The following MYSM1 variants were observed in gnomAD, a reference collection of about 807,000 sequenced individuals.
MYSM1 encodes the protein deubiquitinase MYSM1.
In MYSM1, 51 loss-of-function variants were observed where a neutral mutation model predicts 116.0. That is an observed-to-expected ratio of 0.44 (90% CI 0.35 to 0.56). The LOEUF (loss-of-function observed/expected upper bound fraction) is 0.56. Ranked by LOEUF, MYSM1 falls within the 20% of genes least tolerant of loss-of-function variation. MYSM1 has a pLI of 0.00. For missense variants in MYSM1, 900 were observed against 974.9 expected, an observed-to-expected ratio of 0.92 and a Z score of 1.02; for synonymous variants, 313 against 315.2, an observed-to-expected ratio of 0.99 and a Z score of 0.07.
intron 9 of MYSM1, among the ~76,000 whole-genome samples, 164 bp from the exon 10 acceptor site, chr1:58,675,744 GTTAT>G (rs1453118593): frequency 6.6e-6 from 1 of 152,182 alleles, no homozygotes; most frequent in Non-Finnish European, 1.5e-5. Flanking sequence ...AAGTAATGCT[GTTAT>G]TATAAGAAAA....
intron 11 of MYSM1, among the ~76,000 whole-genome samples, chr1:58,672,726 T>C (rs1030186705): frequency 3.3e-5 from 5 of 152,122 alleles, no homozygotes; most frequent in Non-Finnish European, 4.4e-5. Flanking sequence ...CTTCTGCAGA[T>C]CCTTCAGATC....
intron 11 of MYSM1, among the ~76,000 whole-genome samples, chr1:58,672,375 C>T (rs904253699): frequency 2.6e-5 from 4 of 152,068 alleles, no homozygotes; most frequent in Non-Finnish European, 5.9e-5. Context: ...TATTTACTAG[C>T]TTGGTGACCC....
chr1:58,696,539 T>A (rs1298826147), intron 1 of MYSM1, among the ~76,000 whole-genome samples: 1 of 152,226 alleles, frequency 6.6e-6, no homozygotes, highest in Admixed American at 6.5e-5. Context: ...TCTGCCCTAA[T>A]TCTGCTGTTT....
intron 19 of MYSM1, 109 bp from the exon 20 acceptor site, chr1:58,660,264 G>T: frequency 1.7e-6 from 1 of 588,456 alleles, no homozygotes; most frequent in Non-Finnish European, 2.7e-6. Context: ...ATGCTCAAAT[G>T]AGAAACACTC....
chr1:58,687,552 T>C (rs895238050), intron 6 of MYSM1, among the ~76,000 whole-genome samples: 2 of 152,220 alleles, frequency 1.3e-5, no homozygotes, highest in Admixed American at 1.3e-4. Context: ...CTCCCTGCTA[T>C]TTTGCAGACC....
At chr1:58,682,857 G>A (rs1427779293) in intron 7 of MYSM1, among the ~76,000 whole-genome samples, 3 of 151,912 alleles carry the variant, frequency 2.0e-5, no homozygotes, top group African/African-American at 7.3e-5. Context: ...CACCGTGCCC[G>A]GCTAATTTTT....
rs1644509982 is a variant in MYSM1, at chr1:58,668,696, A to C, written c.1717-14T>G. On this transcript the variant is annotated splice_polypyrimidine_tract_variant and intron_variant, in intron 13 of 19. Transcript: ENST00000472487. Reference sequence around the variant, plus strand: ...CTGAAATGGCTCCTGAAATATAAAAAACAAAACAAAACGGGGGAGCATAAA... The same window carrying C: ...CTGAAATGGCTCCTGAAATATAAAACACAAAACAAAACGGGGGAGCATAAA... 6.3e-7 allele frequency: 1 copy of C among 1,592,984 alleles called. No homozygotes were observed. The highest frequency in any genetic ancestry group is 2.2e-5 in the East Asian group (1 of 44,574).
At chr1:58,674,489 C>A (rs1276976524) in intron 10 of MYSM1, among the ~76,000 whole-genome samples, 5 of 152,090 alleles carry the variant, frequency 3.3e-5, no homozygotes, top group Non-Finnish European at 7.4e-5. Context: ...GATAGTAAAT[C>A]TAGATAGAAA....
chr1:58,669,140 C>T, intron 12 of MYSM1, 102 bp from the exon 13 acceptor site: 2 of 792,804 alleles, frequency 2.5e-6, no homozygotes, highest in Non-Finnish European at 2.0e-6. Flanking sequence ...AACCCAAATT[C>T]TGTCTAAATG....
At position 58,660,182 on chromosome 1, in the gene MYSM1, T is replaced by C. The variant is rs745946472; in HGVS notation, c.2329-27A>G. On this transcript the variant is annotated intron_variant, in intron 19 of 19. Transcript: ENST00000472487. Reference sequence around the variant, plus strand: ...TAGTTGAAAAGAAAAGTTTTATATTTAAATACAGAAAAAGTATGAGGGTTT... The same window carrying C: ...TAGTTGAAAAGAAAAGTTTTATATTCAAATACAGAAAAAGTATGAGGGTTT... 4.1e-6 allele frequency: 6 copies of C among 1,449,094 alleles called. No individual in the cohort carries two copies. In the South Asian group the frequency reaches 8.9e-5, roughly 21 times the overall value. 89.8% of individuals were successfully genotyped at this position (1,449,094 alleles called of 1,614,324 possible).
chr1:58,688,999 A>T (rs1264030863), intron 6 of MYSM1, 39 bp downstream of exon 6: 1 of 1,535,278 alleles, frequency 6.5e-7, no homozygotes, highest in East Asian at 2.3e-5. Flanking sequence ...ATTTGCTTCT[A>T]GAATTATTTT....
chr1:58,663,706 T>C (rs1176747344), intron 17 of MYSM1, among the ~76,000 whole-genome samples: 3 of 152,218 alleles, frequency 2.0e-5, no homozygotes, highest in Non-Finnish European at 4.4e-5. Context: ...TGCTGATCTG[T>C]ACTTTGCTAA....
At chr1:58,685,004 CCT>C (rs1183689803) in intron 7 of MYSM1, 147 bp downstream of exon 7, 2 of 471,990 alleles carry the variant, frequency 4.2e-6, no homozygotes, top group African/African-American at 2.0e-5. Context: ...CTGAAGATAT[CCT>C]CTGAGGTTTT....
chr1:58,689,826 A>T (rs916152295), intron 5 of MYSM1, among the ~76,000 whole-genome samples: 2 of 152,224 alleles, frequency 1.3e-5, no homozygotes, highest in Non-Finnish European at 2.9e-5. Context: ...GGATATTTTT[A>T]AAATAGTTAA....
intron 11 of MYSM1, among the ~76,000 whole-genome samples, chr1:58,673,005 G>C (rs1644587091): frequency 6.6e-6 from 1 of 152,114 alleles, no homozygotes; most frequent in Admixed American, 6.6e-5. Context: ...CCTAGTACTA[G>C]CATCTTTATA....
chr1:58,698,834 T>TCA (rs1645021479), intron 1 of MYSM1, among the ~76,000 whole-genome samples: 1 of 152,064 alleles, frequency 6.6e-6, no homozygotes, highest in Admixed American at 6.5e-5. Flanking sequence ...ACCATATGAG[T>TCA]TTAATCACCC....
intron 1 of MYSM1, among the ~76,000 whole-genome samples, chr1:58,697,158 G>A (rs1474235324): frequency 6.6e-6 from 1 of 152,238 alleles, no homozygotes; most frequent in African/African-American, 2.4e-5. Flanking sequence ...TAGAGGAGTA[G>A]AAGGAGGGAG....
At chr1:58,675,609 T>C (rs373662855) in intron 9 of MYSM1, 29 bp from the exon 10 acceptor site, 13 of 1,566,848 alleles carry the variant, frequency 8.3e-6, no homozygotes, top group African/African-American at 1.3e-5. Flanking sequence ...GATAAAACCA[T>C]CTATTATTTT....
intron 6 of MYSM1, among the ~76,000 whole-genome samples, chr1:58,686,238 G>C (rs1039285805): frequency 6.6e-6 from 1 of 152,074 alleles, no homozygotes; most frequent in African/African-American, 2.4e-5. Flanking sequence ...GACAACTTGA[G>C]GGAGCTCCTG....
Sources: gnomAD v4.1 joint callset for allele counts (sites outside exome capture counted in the v4.1 genomes callset) on GRCh38, gnomAD v4.1.1 for gene constraint, MANE v1.5 for transcripts, NCBI Gene and HGNC (gene_info 2026-07-23, HGNC 2026-07-21) for gene names.